SLC9A5: variants seen among roughly 807,000 people sequenced by gnomAD.
SLC9A5 encodes sodium/hydrogen exchanger 5.
SLC9A5 carries 52 observed loss-of-function variants against 91.7 expected under a neutral mutation model. The observed-to-expected ratio is 0.57, with a 90% CI of 0.45 to 0.71. The LOEUF is 0.71. SLC9A5 is among the 30% of genes least tolerant of loss of function. The probability of loss-of-function intolerance (pLI) is 0.00; values close to 1 mark genes in which losing one functional copy is unlikely to be tolerated. For synonymous variants in SLC9A5, 419 were observed against 474.5 expected (o/e 0.88, Z 1.52); for missense variants, 871 against 1,158.9 (o/e 0.75, Z 3.61).
In SLC9A5 at chr16:67,256,651, TG is replaced by T; in HGVS notation, c.1097del (p.Gly366AlafsTer14). 3 of 1,613,816 alleles carry T rather than the reference TG, an allele frequency of 1.9e-6. No individual in the cohort carries two copies. The highest frequency in any genetic ancestry group is 2.5e-6 in the Non-Finnish European group (3 of 1,179,980). On this transcript the variant is annotated frameshift_variant, in exon 6 of 16. Transcript: ENST00000299798. LOFTEE classifies it high-confidence loss of function. The surrounding 1 kb of genome is among the most constrained non-coding windows in gnomAD (Gnocchi z 4.1). ...TGGGCCTGGGATTCTGGGCTGGTGC[TG>T]GGCACCCTCATCTTCATCCTGTTCT... ...SKWAWDSGLVLGTLIFILFFR... is the reference protein window; with the variant it reads ...SKWAWDSGLVXGTLIFILFFR...
chr16:67,252,804 A>G lies in SLC9A5; in HGVS notation c.450A>G (p.Thr150=), dbSNP rs1430264824. 1 of 1,613,668 alleles carries G rather than the reference A, an allele frequency of 6.2e-7. No homozygotes were observed. The highest frequency in any genetic ancestry group is 1.7e-5 in the Admixed American group (1 of 60,014). ...GCACACTCTGGAATGCCTTCACAAC[A>G]GGCGCTGCCCTCTGGGGCTTGCAGC... ...VVGTLWNAFT[T]GAALWGLQQA... The change falls in exon 2 of 16, where the codon ACA becomes ACG. Residue 150 remains threonine, a synonymous_variant. Coordinates refer to ENST00000299798, the MANE Select transcript of SLC9A5 (RefSeq NM_004594.3). The surrounding 1 kb of genome is among the most constrained non-coding windows in gnomAD (Gnocchi z 4.0).
chr16:67,260,466 T>G (rs1057045688), intron 12 of SLC9A5, among the ~76,000 whole-genome samples: 1 of 152,166 alleles, frequency 6.6e-6, no homozygotes, highest in East Asian at 1.9e-4. Context: ...AAGCACTGTT[T>G]AAGGATACCT....
intron 11 of SLC9A5, 29 bp from the exon 12 acceptor site, chr16:67,259,791 C>T (rs374227353): frequency 1.9e-6 from 3 of 1,612,104 alleles, no homozygotes; most frequent in African/African-American, 2.7e-5. Context: ...TGCCCCCTCT[C>T]CAGCACATGT....
In SLC9A5 at chr16:67,252,319, C is replaced by T. The variant is rs905046279; in HGVS notation, c.188-223C>T. On this transcript the variant is annotated intron_variant, in intron 1 of 15. Transcript: ENST00000299798. This position sits in a 1 kb window ranked among gnomAD's most constrained non-coding sequence, Gnocchi z 4.0. ...AAAAAAAATTATCTGGGCATGGTGG[C>T]GCGTGTCTGTAGTCCCCGTACTCAG... 2.6e-5 allele frequency among the ~76,000 whole-genome samples: 4 copies of T among 151,986 alleles called. No individual in the cohort carries two copies. Among genetic ancestry groups the T allele is most frequent in the African/African-American group, 4.8e-5 (2 of 41,380 alleles).
chr16:67,251,428 T>G (rs1462506187), intron 1 of SLC9A5, among the ~76,000 whole-genome samples: 1 of 143,648 alleles, frequency 7.0e-6, no homozygotes, highest in Non-Finnish European at 1.5e-5. Flanking sequence ...TTTTTTTTTT[T>G]TTTGAGACAG....
chr16:67,264,877 G>A (rs577592734), intron 13 of SLC9A5, among the ~76,000 whole-genome samples, 163 bp from the exon 14 acceptor site: 1 of 152,206 alleles, frequency 6.6e-6, no homozygotes, highest in Non-Finnish European at 1.5e-5. Flanking sequence ...TGGGGCATGG[G>A]TCACTCTTGC....
chr16:67,256,727 T>C lies in SLC9A5; in HGVS notation c.1132+38T>C, dbSNP rs746089888. 2 of 1,514,926 alleles carry C rather than the reference T, an allele frequency of 1.3e-6. No individual in the cohort carries two copies. The highest frequency in any genetic ancestry group is 1.1e-5 in the South Asian group (1 of 89,038). 93.8% of individuals were successfully genotyped at this position (1,514,926 alleles called of 1,614,324 possible). On this transcript the variant is annotated intron_variant, in intron 6 of 15. Transcript: ENST00000299798. The surrounding 1 kb of genome is among the most constrained non-coding windows in gnomAD (Gnocchi z 4.1). ...CCCTCTGCTTTCCCACTCTCCTTCC[T>C]GTCCCGCCCCTCCCTGCAGCTCATC...
Position 67,270,733 on chromosome 16 carries a change from C to T in SLC9A5, c.2219-5C>T. ...AATGAGTTCATGTGTACTCTCTGTC[C>T]CCAGGAAGCCTTGAGGTGTGCCCAA... On this transcript the variant is annotated splice_region_variant and splice_polypyrimidine_tract_variant and intron_variant, in intron 15 of 15. Coordinates refer to ENST00000299798, the MANE Select transcript of SLC9A5 (RefSeq NM_004594.3). The surrounding 1 kb of genome is among the most constrained non-coding windows in gnomAD (Gnocchi z 4.3). The T allele has an allele frequency of 6.3e-7, 1 of 1,586,722 alleles. No homozygotes were observed. The highest frequency in any genetic ancestry group is 8.6e-7 in the Non-Finnish European group (1 of 1,163,356).
intron 2 of SLC9A5, among the ~76,000 whole-genome samples, chr16:67,253,431 G>C (rs1402836271): frequency 1.3e-5 from 2 of 152,046 alleles, no homozygotes; most frequent in South Asian, 2.1e-4. Flanking sequence ...CTTTTGTGTA[G>C]TTTGTCACAT....
chr16:67,256,177 C>T lies in SLC9A5; in HGVS notation c.911+247C>T, dbSNP rs1297066538. ...CTGGGCTGGAAGTAGACTTTAAGGC[C>T]TGGGGCCACCAGCTCTGGAGGCCGC... On this transcript the variant is annotated intron_variant, in intron 5 of 15. Coordinates refer to ENST00000299798, the MANE Select transcript of SLC9A5 (RefSeq NM_004594.3). This position sits in a 1 kb window ranked among gnomAD's most constrained non-coding sequence, Gnocchi z 4.1. 6.6e-6 allele frequency among the ~76,000 whole-genome samples: 1 copy of T among 152,174 alleles called. No homozygotes were observed. The highest frequency in any genetic ancestry group is 2.4e-5 in the African/African-American group (1 of 41,426).
Position 67,271,039 on chromosome 16 carries a change from C to G in SLC9A5, c.2520C>G (p.Ala840=), listed in dbSNP as rs1440506145. The change falls in exon 16 of 16, where the codon GCC becomes GCG. Residue 840 remains alanine (A), a synonymous_variant. Coordinates refer to ENST00000299798, the MANE Select transcript of SLC9A5 (RefSeq NM_004594.3). ...HLPSDPRSSF[A]FPPSLAKAGR... ...CTTCTGATCCACGCTCTAGCTTCGC[C>G]TTCCCACCGAGCCTGGCCAAGGCTG... The G allele has an allele frequency of 6.2e-7, 1 of 1,612,816 alleles. No homozygotes were observed.
At position 67,266,241 on chromosome 16, in the gene SLC9A5, C is replaced by T. The variant is rs1453915074; in HGVS notation, c.2218+16C>T. The T allele has an allele frequency of 1.3e-6, 2 of 1,579,018 alleles. No homozygotes were observed. The highest frequency in any genetic ancestry group is 2.4e-5 in the East Asian group (1 of 42,310). On this transcript the variant is annotated intron_variant, in intron 15 of 15. Transcript: ENST00000299798. The stretch of plus-strand genomic sequence containing the variant: ...AAGGTCTCAGGTAATGGCTTCCTCC[C>T]TGCCCACCTCCCCTCTGGAGCAAGC...
chr16:67,255,989 C>T lies in SLC9A5; in HGVS notation c.911+59C>T, dbSNP rs1304332855. Reference sequence around the variant, plus strand: ...GGAGGGGGCACTGGAGATGGTTGCCCCTCATAGGGACACAGGCAGGAACTT... The same window carrying T: ...GGAGGGGGCACTGGAGATGGTTGCCTCTCATAGGGACACAGGCAGGAACTT... On this transcript the variant is annotated intron_variant, in intron 5 of 15. Coordinates refer to ENST00000299798, the MANE Select transcript of SLC9A5 (RefSeq NM_004594.3). The surrounding 1 kb of genome is among the most constrained non-coding windows in gnomAD (Gnocchi z 4.9). The T allele has an allele frequency of 2.6e-6, 4 of 1,561,148 alleles. No homozygotes were observed. The Admixed American group carries it at 5.3e-5, about 21-fold the overall frequency.
intron 12 of SLC9A5, among the ~76,000 whole-genome samples, chr16:67,260,516 G>T (rs764111117): frequency 6.6e-6 from 1 of 152,186 alleles, no homozygotes; most frequent in African/African-American, 2.4e-5. Flanking sequence ...GAGGGGGTGA[G>T]TTGAGAAGCT....
In SLC9A5 at chr16:67,270,561, T is replaced by C. The variant is rs73591132; in HGVS notation, c.2219-177T>C. Among the ~76,000 whole-genome samples, 1,867 of 152,282 alleles carry C rather than the reference T, an allele frequency of 0.012. 46 individuals carry two copies. The highest frequency in any genetic ancestry group is 0.043 in the African/African-American group (1,794 of 41,556). ...TGTGTGCCCGGCCCTGTGCTAGGTGTTGGGGATAGAGTGGAGAGTAAAACA... is the reference window on the plus strand; with the variant it reads ...TGTGTGCCCGGCCCTGTGCTAGGTGCTGGGGATAGAGTGGAGAGTAAAACA... On this transcript the variant is annotated intron_variant, in intron 15 of 15. Transcript: ENST00000299798. The surrounding 1 kb of genome is among the most constrained non-coding windows in gnomAD (Gnocchi z 4.3).
In SLC9A5 at chr16:67,259,652, C is replaced by G; in HGVS notation, c.1706C>G (p.Thr569Ser). Reference sequence around the variant, plus strand: ...AATTCTGTGGCAGAAACTTCTGTCACCAACCTGCTGTGAGTCCTTGAGCCC... The same window carrying G: ...AATTCTGTGGCAGAAACTTCTGTCAGCAACCTGCTGTGAGTCCTTGAGCCC... ...SRNSVAETSV[T>S]NLLRESGSGA... is the part of the protein sequence containing the mutation. Residue 569 changes from threonine to serine, a missense_variant, in exon 11 of 16, where the codon ACC becomes AGC. Physicochemically the swap from Thr to Ser is moderately conservative, Grantham distance 58. Around this residue, in one of 3 missense-constraint regions of SLC9A5, gnomAD observed 454 missense variants for 718.3 expected, o/e 0.63. Coordinates refer to ENST00000299798, the MANE Select transcript of SLC9A5 (RefSeq NM_004594.3). 1.2e-6 allele frequency: 2 copies of G among 1,614,080 alleles called. No individual in the cohort carries two copies. Among genetic ancestry groups the G allele is most frequent in the Non-Finnish European group, 1.7e-6 (2 of 1,179,970 alleles).
At chr16:67,262,808 G>T (rs537416275) in intron 12 of SLC9A5, 1 of 160,440 alleles carries the variant, frequency 6.2e-6, no homozygotes, top group East Asian at 1.8e-4. Context: ...GGTGCCTCAG[G>T]CCTGGGGCAG....
In SLC9A5 at chr16:67,270,752, T is replaced by C; in HGVS notation, c.2233T>C (p.Cys745Arg). The C allele has an allele frequency of 6.2e-7, 1 of 1,607,316 alleles. No individual in the cohort carries two copies. Among genetic ancestry groups the C allele is most frequent in the South Asian group, 1.1e-5 (1 of 90,282 alleles). Residue 745 changes from cysteine (C) to arginine (R), a missense_variant, in exon 16 of 16, where the codon TGC (cysteine) becomes CGC (arginine). Transcript: ENST00000299798. The surrounding 1 kb of genome is among the most constrained non-coding windows in gnomAD (Gnocchi z 4.3). Reference sequence around the variant, plus strand: ...TCTGTCCCCAGGAAGCCTTGAGGTGTGCCCAAGCCCACGAATCATTCCCCC... The same window carrying C: ...TCTGTCCCCAGGAAGCCTTGAGGTGCGCCCAAGCCCACGAATCATTCCCCC... The part of the protein sequence containing the change: ...EGKVSGSLEV[C>R]PSPRIIPPSP...
Position 67,257,147 on chromosome 16 carries a change from G to T in SLC9A5, c.1335+34G>T. The T allele has an allele frequency of 2.5e-6, 4 of 1,584,066 alleles. No homozygotes were observed. The highest frequency in any genetic ancestry group is 3.4e-6 in the Non-Finnish European group (4 of 1,163,774). ...GCCCACAAGGCTGGGTAGGGAGAGGGTTGGGCAGGCCCTGGGGGAGTCTTG... is the reference window on the plus strand; with the variant it reads ...GCCCACAAGGCTGGGTAGGGAGAGGTTTGGGCAGGCCCTGGGGGAGTCTTG... On this transcript the variant is annotated intron_variant, in intron 7 of 15. Transcript: ENST00000299798. This position sits in a 1 kb window ranked among gnomAD's most constrained non-coding sequence, Gnocchi z 5.1.
Sources: gnomAD v4.1 joint callset for allele counts (sites outside exome capture counted in the v4.1 genomes callset) on GRCh38, gnomAD v4.1.1 for gene constraint, gnomAD v4.1.1 regional missense constraint, Gnocchi (gnomAD v3.1) non-coding constraint, MANE v1.5 for transcripts, NCBI Gene and HGNC (gene_info 2026-07-23, HGNC 2026-07-21) for gene names.